Variants in HS6ST3 observed in about 807,000 individuals in gnomAD.
HS6ST3 encodes the protein heparan sulfate 6-O-sulfotransferase 3.
In HS6ST3, 12 loss-of-function variants were observed where a neutral mutation model predicts 36.7. That is an observed-to-expected ratio of 0.33 (90% CI 0.21 to 0.53). The LOEUF (loss-of-function observed/expected upper bound fraction) is 0.53. HS6ST3 is among the 20% of genes least tolerant of loss of function. The probability of loss-of-function intolerance (pLI) is 0.95; values close to 1 mark genes in which losing one functional copy is unlikely to be tolerated. For synonymous variants in HS6ST3, 240 were observed against 257.5 expected (o/e 0.93, Z 0.65); for missense variants, 584 against 640.9 (o/e 0.91, Z 0.96).
At chr13:96,829,991 A>G (rs1345321432) in intron 1 of HS6ST3, among the ~76,000 whole-genome samples, 1 of 152,082 alleles carries the variant, frequency 6.6e-6, no homozygotes, top group Non-Finnish European at 1.5e-5. Flanking sequence ...AAACTTTACA[A>G]TAATGAGAAT....
chr13:96,778,631 C>T (rs564967805), intron 1 of HS6ST3, among the ~76,000 whole-genome samples: 2 of 152,316 alleles, frequency 1.3e-5, no homozygotes, highest in South Asian at 4.1e-4. Context: ...TACCATCTCA[C>T]ACCAGTTAGA....
In HS6ST3 at chr13:96,469,711, T is replaced by C. The variant is rs193253129; in HGVS notation, c.708-362779T>C. 8.5e-5 allele frequency among the ~76,000 whole-genome samples: 13 copies of C among 152,058 alleles called. No individual in the cohort carries two copies. In the East Asian group the frequency reaches 1.4e-3, roughly 16 times the overall value. On this transcript the variant is annotated intron_variant, in intron 1 of 1. Coordinates refer to ENST00000376705, the MANE Select transcript of HS6ST3 (RefSeq NM_153456.4). Reference sequence around the variant, plus strand: ...GTGGTGGTGGTCATGAAAATAGAGATAGTAGTGGTGGTGATGGTGATGGTG... The same window carrying C: ...GTGGTGGTGGTCATGAAAATAGAGACAGTAGTGGTGGTGATGGTGATGGTG...
chr13:96,171,850 A>G (rs1468825974), intron 1 of HS6ST3, among the ~76,000 whole-genome samples: 1 of 152,154 alleles, frequency 6.6e-6, no homozygotes, highest in African/African-American at 2.4e-5. Flanking sequence ...CTAAGGGAAT[A>G]TGGTTTCTTG....
At chr13:96,110,987 T>C (rs2053865736) in intron 1 of HS6ST3, among the ~76,000 whole-genome samples, 1 of 152,220 alleles carries the variant, frequency 6.6e-6, no homozygotes, top group African/African-American at 2.4e-5. Context: ...GATGACATGC[T>C]GTTTGCTACA....
At chr13:96,332,824 A>T (rs1274796878) in intron 1 of HS6ST3, among the ~76,000 whole-genome samples, 1 of 152,212 alleles carries the variant, frequency 6.6e-6, no homozygotes, top group East Asian at 1.9e-4. Flanking sequence ...GGATATTTGT[A>T]TCTCCCCCAA....
chr13:96,755,521 T>C (rs7320403), intron 1 of HS6ST3, among the ~76,000 whole-genome samples: 12,970 of 152,006 alleles, frequency 0.085, 1,040 homozygotes, highest in African/African-American at 0.2. Context: ...CCAGCCACCA[T>C]GCCTGGCTAA....
chr13:96,643,797 G>A (rs1030607247), intron 1 of HS6ST3, among the ~76,000 whole-genome samples: 4 of 151,862 alleles, frequency 2.6e-5, no homozygotes, highest in African/African-American at 9.7e-5. Flanking sequence ...CCAGGCTGCT[G>A]GTGTTAATTA....
At chr13:96,092,950 T>G (rs1052244614) in intron 1 of HS6ST3, among the ~76,000 whole-genome samples, 7 of 152,216 alleles carry the variant, frequency 4.6e-5, no homozygotes, top group African/African-American at 1.4e-4. Context: ...TTTAAATATT[T>G]TTAATAGTGT....
chr13:96,494,030 T>G (rs2055959992), intron 1 of HS6ST3, among the ~76,000 whole-genome samples: 1 of 152,164 alleles, frequency 6.6e-6, no homozygotes, highest in Non-Finnish European at 1.5e-5. Flanking sequence ...CAATGGTTCT[T>G]CGTCTTTGTG....
chr13:96,221,913 GA>G (rs61458457), intron 1 of HS6ST3, among the ~76,000 whole-genome samples: 621 of 152,162 alleles, frequency 4.1e-3, no homozygotes, highest in Non-Finnish European at 7.2e-3. Context: ...ATTTGAAATG[GA>G]AAAAAATCAA....
At chr13:96,163,268 C>T (rs996638455) in intron 1 of HS6ST3, among the ~76,000 whole-genome samples, 4 of 134,444 alleles carry the variant, frequency 3.0e-5, no homozygotes, top group Admixed American at 1.8e-4. Context: ...CTCGCTCTGT[C>T]GCCCAGGCTG....
At chr13:96,272,997 C>A (rs2054728717) in intron 1 of HS6ST3, among the ~76,000 whole-genome samples, 1 of 151,976 alleles carries the variant, frequency 6.6e-6, no homozygotes, top group Admixed American at 6.6e-5. Context: ...CAAATGAAAT[C>A]ATGCAGCTTT....
intron 1 of HS6ST3, among the ~76,000 whole-genome samples, chr13:96,756,314 A>AT (rs1485823595): frequency 3.9e-5 from 6 of 152,226 alleles, no homozygotes; most frequent in African/African-American, 1.4e-4. Context: ...TGTGGCTTGC[A>AT]TTTTCATCTT....
chr13:96,659,086 G>A (rs183094280), intron 1 of HS6ST3, among the ~76,000 whole-genome samples: 46 of 152,306 alleles, frequency 3.0e-4, no homozygotes, highest in Non-Finnish European at 5.9e-4. Flanking sequence ...TGTAGCTTAA[G>A]TAGAAAATGA....
intron 1 of HS6ST3, among the ~76,000 whole-genome samples, chr13:96,210,488 T>G (rs1429701239): frequency 6.6e-6 from 1 of 152,186 alleles, no homozygotes; most frequent in Non-Finnish European, 1.5e-5. Flanking sequence ...TTAGTAGAAT[T>G]AAAGGAGAAC....
intron 1 of HS6ST3, among the ~76,000 whole-genome samples, chr13:96,459,167 T>C (rs1437357533): frequency 6.7e-6 from 1 of 148,698 alleles, no homozygotes; most frequent in African/African-American, 2.5e-5. Context: ...AATTTGTAAT[T>C]GATCCTGGCA....
chr13:96,144,362 A>G (rs2054046251), intron 1 of HS6ST3, among the ~76,000 whole-genome samples: 1 of 152,156 alleles, frequency 6.6e-6, no homozygotes, highest in African/African-American at 2.4e-5. Flanking sequence ...GCATAAATGT[A>G]ATAACTCATT....
rs573020702 is a variant in HS6ST3, at chr13:96,673,402, C to G, written c.708-159088C>G. On this transcript the variant is annotated intron_variant, in intron 1 of 1. Transcript: ENST00000376705. ...TATTCAGCCATATATAGGAAGTAAA[C>G]TGGTATTTCATTCCTTTTAGCTGTT... Among the ~76,000 whole-genome samples, 5 of 152,264 alleles carry G rather than the reference C, an allele frequency of 3.3e-5. No homozygotes were observed. The East Asian group carries it at 9.7e-4, about 29-fold the overall frequency.
At chr13:96,286,505 A>G (rs2054803240) in intron 1 of HS6ST3, among the ~76,000 whole-genome samples, 1 of 152,206 alleles carries the variant, frequency 6.6e-6, no homozygotes, top group South Asian at 2.1e-4. Flanking sequence ...GCATCCTTCA[A>G]AACACAGATG....
Sources: gnomAD v4.1 joint callset for allele counts (sites outside exome capture counted in the v4.1 genomes callset) on GRCh38, gnomAD v4.1.1 for gene constraint, MANE v1.5 for transcripts, NCBI Gene and HGNC (gene_info 2026-07-23, HGNC 2026-07-21) for gene names.